SCUBE3: variants seen among roughly 807,000 people sequenced by gnomAD.
SCUBE3 encodes the protein signal peptide, CUB domain and EGF like domain containing 3, also known as signal peptide, CUB and EGF-like domain-containing protein 3.
SCUBE3 carries 33 observed loss-of-function variants against 116.8 expected under a neutral mutation model. The ratio of observed to expected loss-of-function variants is 0.28; its 90% confidence interval spans 0.21 to 0.38. The LOEUF is 0.38. SCUBE3 is among the 10% of genes least tolerant of loss of function. The pLI, the probability that SCUBE3 is intolerant of heterozygous loss-of-function variation, is 1.00. For missense variants in SCUBE3, 1,007 were observed against 1,324.8 expected, an observed-to-expected ratio of 0.76 and a Z score of 3.72; for synonymous variants, 418 against 496.9, an observed-to-expected ratio of 0.84 and a Z score of 2.11.
In SCUBE3 at chr6:35,232,933, C is replaced by T. The variant is rs1562049070; in HGVS notation, c.553C>T (p.Arg185Cys). Residue 185 changes from arginine (R) to cysteine (C), a missense_variant, in exon 5 of 22, where the codon CGT becomes TGT. Arg to Cys is a radical substitution (Grantham distance 180, BLOSUM62 -3). Coordinates refer to ENST00000274938, the MANE Select transcript of SCUBE3 (RefSeq NM_152753.4). The surrounding 1 kb of genome is among the most constrained non-coding windows in gnomAD (Gnocchi z 4.2). ...CAAGGGGGGTATTGCCTGTGAATGCCGTCCTGGCTTTGAGCTTACCAAGAA... is the reference window on the plus strand; with the variant it reads ...CAAGGGGGGTATTGCCTGTGAATGCTGTCCTGGCTTTGAGCTTACCAAGAA... Reference protein sequence around the residue: ...TPKGGIACECRPGFELTKNQR... With the variant: ...TPKGGIACECCPGFELTKNQR... The T allele has an allele frequency of 2.5e-6, 4 of 1,613,988 alleles. No homozygotes were observed. The highest frequency in any genetic ancestry group is 1.7e-5 in the Admixed American group (1 of 59,998).
chr6:35,226,174 T>C (rs1783312465), intron 1 of SCUBE3, among the ~76,000 whole-genome samples: 1 of 152,194 alleles, frequency 6.6e-6, no homozygotes, highest in Admixed American at 6.5e-5. Flanking sequence ...GTCCAGGCTA[T>C]CTGACCAGAA....
chr6:35,243,004 C>A lies in SCUBE3; in HGVS notation c.1694-17C>A. ...AACTCTTTCTCCTCCCTGATACACACGGCCATCCACCACCAGCCAGCTGTG... is the reference window on the plus strand; with the variant it reads ...AACTCTTTCTCCTCCCTGATACACAAGGCCATCCACCACCAGCCAGCTGTG... On this transcript the variant is annotated splice_polypyrimidine_tract_variant and intron_variant, in intron 14 of 21. Coordinates refer to ENST00000274938, the MANE Select transcript of SCUBE3 (RefSeq NM_152753.4). This position sits in a 1 kb window ranked among gnomAD's most constrained non-coding sequence, Gnocchi z 6.6. 1.2e-6 allele frequency: 2 copies of A among 1,609,918 alleles called. No homozygotes were observed. The highest frequency in any genetic ancestry group is 1.7e-6 in the Non-Finnish European group (2 of 1,176,440).
Position 35,241,157 on chromosome 6 carries a change from C to T in SCUBE3, c.1086C>T (p.Ser362=), listed in dbSNP as rs780861679. 2 of 1,599,542 alleles carry T rather than the reference C, an allele frequency of 1.3e-6. No individual in the cohort carries two copies. Among genetic ancestry groups the T allele is most frequent in the Admixed American group, 3.4e-5 (2 of 59,614 alleles). Residue 362 remains serine (S), a synonymous_variant, in exon 10 of 22, where the codon AGC becomes AGT. Transcript: ENST00000274938. This position sits in a 1 kb window ranked among gnomAD's most constrained non-coding sequence, Gnocchi z 4.1. ...TTCCCCCAGATGTGGATGAATGCAG[C>T]ATCAACCGGGGAGGTTGCCGCTTTG... ...ITHCGDVDEC[S]INRGGCRFGC...
Position 35,239,094 on chromosome 6 carries a change from C to G in SCUBE3, c.830-658C>G, listed in dbSNP as rs774819093. The stretch of plus-strand genomic sequence containing the variant: ...AGGAAGGAAGCCATTCACCAGCCCC[C>G]CTTTCCCTTACTAGTGCTGAAAGCT... On this transcript the variant is annotated intron_variant, in intron 7 of 21. Transcript: ENST00000274938. The surrounding 1 kb of genome is among the most constrained non-coding windows in gnomAD (Gnocchi z 4.1). Among the ~76,000 whole-genome samples, 18 of 152,222 alleles carry G rather than the reference C, an allele frequency of 1.2e-4. No homozygotes were observed. The highest frequency in any genetic ancestry group is 3.4e-3 in the Middle Eastern group (1 of 294).
At position 35,228,874 on chromosome 6, in the gene SCUBE3, C is replaced by CAAAGGGGAGGCTGA; in HGVS notation, c.334+135_334+136insAAAGGGGAGGCTGA. 2 of 935,138 alleles carry CAAAGGGGAGGCTGA rather than the reference C, an allele frequency of 2.1e-6. No homozygotes were observed. Among genetic ancestry groups the CAAAGGGGAGGCTGA allele is most frequent in the Non-Finnish European group, 3.4e-6 (2 of 596,698 alleles). 57.9% of individuals were successfully genotyped at this position (935,138 alleles called of 1,614,324 possible). ...ATTCACAAGAGAATAAGGTCAGCCT[C>CAAAGGGGAGGCTGA]CCCTTTGAGACTGGCCACTTAGGAT... On this transcript the variant is annotated intron_variant, in intron 3 of 21. Transcript: ENST00000274938. This position sits in a 1 kb window ranked among gnomAD's most constrained non-coding sequence, Gnocchi z 4.9.
Position 35,243,580 on chromosome 6 carries a change from C to A in SCUBE3, c.1910-14C>A, listed in dbSNP as rs560990590. Reference sequence around the variant, plus strand: ...TGCGGGGGTGGGTGGCTAGCGCGGCCGACTCTCCCTCAGTCAGCTGCCCGC... The same window carrying A: ...TGCGGGGGTGGGTGGCTAGCGCGGCAGACTCTCCCTCAGTCAGCTGCCCGC... On this transcript the variant is annotated splice_polypyrimidine_tract_variant and intron_variant, in intron 15 of 21. Coordinates refer to ENST00000274938, the MANE Select transcript of SCUBE3 (RefSeq NM_152753.4). This position sits in a 1 kb window ranked among gnomAD's most constrained non-coding sequence, Gnocchi z 6.6. The A allele has an allele frequency of 1.4e-5, 23 of 1,589,440 alleles. No homozygotes were observed. The highest frequency in any genetic ancestry group is 3.4e-5 in the South Asian group (3 of 88,580).
intron 1 of SCUBE3, among the ~76,000 whole-genome samples, chr6:35,215,907 C>A (rs1295728916): frequency 1.3e-5 from 2 of 152,244 alleles, no homozygotes; most frequent in Non-Finnish European, 2.9e-5. Context: ...CACCCCCAAC[C>A]TGGGAGCAGC....
chr6:35,231,597 G>A lies in SCUBE3; in HGVS notation c.335-128G>A, dbSNP rs1213096570. On this transcript the variant is annotated intron_variant, in intron 3 of 21. Coordinates refer to ENST00000274938, the MANE Select transcript of SCUBE3 (RefSeq NM_152753.4). The surrounding 1 kb of genome is among the most constrained non-coding windows in gnomAD (Gnocchi z 4.2). ...AAATATTAGCTGACAAGGGTGTGAG[G>A]ACTTCCTGGCTTAAGGCTGGGCTTA... 7.1e-6 allele frequency: 5 copies of A among 699,398 alleles called. No homozygotes were observed. The highest frequency in any genetic ancestry group is 8.7e-6 in the Non-Finnish European group (4 of 459,526). 43.3% of individuals were successfully genotyped at this position (699,398 alleles called of 1,614,324 possible).
In SCUBE3 at chr6:35,228,789, G is replaced by A; in HGVS notation, c.334+50G>A. On this transcript the variant is annotated intron_variant, in intron 3 of 21. Coordinates refer to ENST00000274938, the MANE Select transcript of SCUBE3 (RefSeq NM_152753.4). This position sits in a 1 kb window ranked among gnomAD's most constrained non-coding sequence, Gnocchi z 4.9. The stretch of plus-strand genomic sequence containing the variant: ...TGGAGGGATGTCTTGTGGAGAAAGA[G>A]ATCTTTTCAGCATTTCCTATTTCCC... The A allele has an allele frequency of 1.3e-6, 2 of 1,579,080 alleles. No homozygotes were observed. The highest frequency in any genetic ancestry group is 2.7e-5 in the African/African-American group (2 of 74,368).
intron 12 of SCUBE3, 124 bp downstream of exon 12, chr6:35,242,034 C>A: frequency 1.2e-6 from 1 of 869,384 alleles, no homozygotes. Flanking sequence ...TGTAATTCTC[C>A]AACCCTGCTC....
Position 35,219,700 on chromosome 6 carries a change from G to C in SCUBE3, c.85+5197G>C, listed in dbSNP as rs3800386. Among the ~76,000 whole-genome samples the C allele has an allele frequency of 1.1e-4, 16 of 152,130 alleles. No individual in the cohort carries two copies. The highest frequency in any genetic ancestry group is 3.3e-4 in the Admixed American group (5 of 15,282). On this transcript the variant is annotated intron_variant, in intron 1 of 21. Coordinates refer to ENST00000274938, the MANE Select transcript of SCUBE3 (RefSeq NM_152753.4). The surrounding 1 kb of genome is among the most constrained non-coding windows in gnomAD (Gnocchi z 4.7). ...GGAGTATCAGGATATGTGGGCATTG[G>C]GGGGAGGGCTGGGGAAGGGGAGTGC...
In SCUBE3 at chr6:35,241,647, C is replaced by T. The variant is rs1302709952; in HGVS notation, c.1300C>T (p.Arg434Ter). The T allele has an allele frequency of 1.9e-6, 3 of 1,612,430 alleles. No homozygotes were observed. The highest frequency in any genetic ancestry group is 2.5e-6 in the Non-Finnish European group (3 of 1,178,416). Reference sequence around the variant, plus strand: ...TGCCCTGACCTGTCCCTCCAGGGCCCGATTTTTGCCAGGTACATGGGAGGA... The same window carrying T: ...TGCCCTGACCTGTCCCTCCAGGGCCTGATTTTTGCCAGGTACATGGGAGGA... ...TCALTCPSRARFLPESENGFT... is the reference protein window; with the variant it reads ...TCALTCPSRA Residue 434 changes from arginine (R) to a stop codon, truncating the protein, a stop_gained, in exon 11 of 22, where the codon CGA becomes TGA. Transcript: ENST00000274938. LOFTEE classifies it high-confidence loss of function. The surrounding 1 kb of genome is among the most constrained non-coding windows in gnomAD (Gnocchi z 4.1).
At position 35,243,772 on chromosome 6, in the gene SCUBE3, C is replaced by G. The variant is rs765409080; in HGVS notation, c.2071+17C>G. 3.7e-6 allele frequency: 6 copies of G among 1,611,806 alleles called. No homozygotes were observed. In the East Asian group the frequency reaches 1.1e-4, roughly 30 times the overall value. On this transcript the variant is annotated intron_variant, in intron 16 of 21. Transcript: ENST00000274938. This position sits in a 1 kb window ranked among gnomAD's most constrained non-coding sequence, Gnocchi z 6.6. ...CGTGTGCAGGTGCCAGGGGAACAAA[C>G]AATACAGAGTGGGGTAGGGTGGGCA...
chr6:35,243,123 G>T lies in SCUBE3; in HGVS notation c.1796G>T (p.Arg599Leu). 1 of 1,614,190 alleles carries T rather than the reference G, an allele frequency of 6.2e-7. No individual in the cohort carries two copies. The highest frequency in any genetic ancestry group is 2.2e-5 in the East Asian group (1 of 44,876). The change falls in exon 15 of 22, where the codon CGC becomes CTC. Residue 599 changes from arginine (R) to leucine (L), a missense_variant. Arg to Leu is a moderately radical substitution (Grantham distance 102). Transcript: ENST00000274938. The surrounding 1 kb of genome is among the most constrained non-coding windows in gnomAD (Gnocchi z 6.6). ...KSINQDRFLL[R>L]LAGLDYELAH... ...ATCAACCAGGACCGCTTCCTGCTGC[G>T]CCTGGCAGGCCTTGATTATGAGCTG...
At chr6:35,238,082 G>C in intron 7 of SCUBE3, 64 bp downstream of exon 7, 1 of 921,850 alleles carries the variant, frequency 1.1e-6, no homozygotes, top group Middle Eastern at 2.2e-4. Flanking sequence ...TGGGACCAGA[G>C]ATAGGGTGCC....
chr6:35,231,174 G>A lies in SCUBE3; in HGVS notation c.335-551G>A, dbSNP rs1783534920. On this transcript the variant is annotated intron_variant, in intron 3 of 21. Coordinates refer to ENST00000274938, the MANE Select transcript of SCUBE3 (RefSeq NM_152753.4). This position sits in a 1 kb window ranked among gnomAD's most constrained non-coding sequence, Gnocchi z 4.2. ...GGGGGAGGGGAGGAAGGACAGGGCTGTGGCCTGTCCACAGAAATGGTCCCT... is the reference window on the plus strand; with the variant it reads ...GGGGGAGGGGAGGAAGGACAGGGCTATGGCCTGTCCACAGAAATGGTCCCT... 6.6e-6 allele frequency among the ~76,000 whole-genome samples: 1 copy of A among 152,158 alleles called. No individual in the cohort carries two copies. The highest frequency in any genetic ancestry group is 2.1e-4 in the South Asian group (1 of 4,832).
chr6:35,242,334 AC>A lies in SCUBE3; in HGVS notation c.1534+18del. 2 of 1,553,332 alleles carry A rather than the reference AC, an allele frequency of 1.3e-6. No individual in the cohort carries two copies. Among genetic ancestry groups the A allele is most frequent in the Non-Finnish European group, 1.8e-6 (2 of 1,125,030 alleles). ...TCACAGGGCCAGGTTTGGACTGGGG[AC>A]CCCATTCCAGTTGGCTGTCTGGCCA... On this transcript the variant is annotated intron_variant, in intron 13 of 21. Coordinates refer to ENST00000274938, the MANE Select transcript of SCUBE3 (RefSeq NM_152753.4).
chr6:35,242,226 A>T lies in SCUBE3; in HGVS notation c.1440A>T (p.Lys480Asn). 5 of 1,613,760 alleles carry T rather than the reference A, an allele frequency of 3.1e-6. No individual in the cohort carries two copies. The highest frequency in any genetic ancestry group is 4.2e-6 in the Non-Finnish European group (5 of 1,179,726). ...TAGAGGCTGCAGTGCTGTCCATTAA[A>T]CAACGGGCCTCCTTCAAGATCAAGG... is the stretch of plus-strand genomic sequence containing the variant. ...HCHEAAVLSI[K>N]QRASFKIKDA... The change falls in exon 13 of 22, where the codon AAA becomes AAT. Residue 480 changes from lysine to asparagine, a missense_variant. By Grantham distance (94) the Lys-to-Asn change is moderately conservative. This residue lies in a region of SCUBE3 where 544 missense variants were observed against 638.9 expected (regional missense o/e 0.85). Transcript: ENST00000274938.
At position 35,233,999 on chromosome 6, in the gene SCUBE3, A is replaced by G. The variant is rs1193038903; in HGVS notation, c.712+698A>G. Reference sequence around the variant, plus strand: ...GCCTTCCATCTCTTACCTTGATTTGAGGTCCTCTTAATACCTGGATCCCTC... The same window carrying G: ...GCCTTCCATCTCTTACCTTGATTTGGGGTCCTCTTAATACCTGGATCCCTC... On this transcript the variant is annotated intron_variant, in intron 6 of 21. Transcript: ENST00000274938. The surrounding 1 kb of genome is among the most constrained non-coding windows in gnomAD (Gnocchi z 5.7). 6.6e-6 allele frequency among the ~76,000 whole-genome samples: 1 copy of G among 152,096 alleles called. No individual in the cohort carries two copies. The highest frequency in any genetic ancestry group is 2.4e-5 in the African/African-American group (1 of 41,404).
Sources: gnomAD v4.1 joint callset for allele counts (sites outside exome capture counted in the v4.1 genomes callset) on GRCh38, gnomAD v4.1.1 for gene constraint, gnomAD v4.1.1 regional missense constraint, Gnocchi (gnomAD v3.1) non-coding constraint, MANE v1.5 for transcripts, NCBI Gene and HGNC (gene_info 2026-07-23, HGNC 2026-07-21) for gene names.